EYA1: variants seen among roughly 807,000 people sequenced by gnomAD.
EYA1 encodes EYA transcriptional coactivator and phosphatase 1, also known as protein phosphatase EYA1.
A neutral mutation model predicts 82.0 loss-of-function variants in EYA1; 16 were observed. The observed-to-expected ratio is 0.20, with a 90% CI of 0.13 to 0.30. The LOEUF (loss-of-function observed/expected upper bound fraction) is 0.30, where lower values mean the gene tolerates loss of function less well. Ranked by LOEUF, EYA1 falls within the 10% of genes least tolerant of loss-of-function variation. The pLI is 1.00. For synonymous variants in EYA1, 261 were observed against 264.4 expected (o/e 0.99, Z 0.12); for missense variants, 633 against 730.7 (o/e 0.87, Z 1.54).
intron 2 of EYA1, among the ~76,000 whole-genome samples, chr8:71,488,073 T>G (rs1464666850): frequency 3.3e-5 from 5 of 152,106 alleles, no homozygotes; most frequent in Admixed American, 1.3e-4. Flanking sequence ...ATCAGTAATA[T>G]AAAGGATACA....
intron 2 of EYA1, among the ~76,000 whole-genome samples, chr8:71,399,241 C>T (rs1055272779): frequency 3.9e-5 from 6 of 152,166 alleles, no homozygotes; most frequent in African/African-American, 1.2e-4. Context: ...CCTTGTGCTT[C>T]CCGGGTGAAG....
intron 7 of EYA1, among the ~76,000 whole-genome samples, chr8:71,306,513 A>G (rs917139694): frequency 6.6e-6 from 1 of 152,024 alleles, no homozygotes; most frequent in African/African-American, 2.4e-5. Context: ...GGGCCTGGAG[A>G]TGCCACTCGG....
chr8:71,382,950 C>T (rs907347644), intron 2 of EYA1, among the ~76,000 whole-genome samples: 2 of 152,156 alleles, frequency 1.3e-5, no homozygotes, highest in African/African-American at 4.8e-5. Flanking sequence ...GCATGTCAGA[C>T]AGACATGAAT....
In EYA1 at chr8:71,433,725, G is replaced by T. The variant is rs75084447; in HGVS notation, c.34-77214C>A. 9.2e-3 allele frequency among the ~76,000 whole-genome samples: 1,402 copies of T among 152,290 alleles called. 16 individuals are homozygous for T. Among genetic ancestry groups the T allele is most frequent in the African/African-American group, 0.032 (1,329 of 41,554 alleles). On this transcript the variant is annotated intron_variant, in intron 2 of 18. Transcript: ENST00000643681. ...AGAGAGGCCAACCTGTCTGAATCAG[G>T]GTTGGAGAGGAGCCAAGAGGAGGAG... is the stretch of plus-strand genomic sequence containing the variant.
chr8:71,240,180 T>TA (rs1812304494), intron 12 of EYA1, among the ~76,000 whole-genome samples: 1 of 152,098 alleles, frequency 6.6e-6, no homozygotes, highest in South Asian at 2.1e-4. Flanking sequence ...ATAATGCTAT[T>TA]ACCTAAAGAC....
At chr8:71,432,788 T>C (rs926619616) in intron 2 of EYA1, among the ~76,000 whole-genome samples, 1 of 152,154 alleles carries the variant, frequency 6.6e-6, no homozygotes, top group African/African-American at 2.4e-5. Context: ...CCCTAACAGA[T>C]GCCTTTGAGT....
chr8:71,353,219 G>A (rs920945313), intron 3 of EYA1, among the ~76,000 whole-genome samples: 4 of 152,186 alleles, frequency 2.6e-5, no homozygotes, highest in East Asian at 1.9e-4. Context: ...GAGGCCTGCC[G>A]GCGCAGGGAC....
chr8:71,394,461 T>C (rs1382694779), intron 2 of EYA1, among the ~76,000 whole-genome samples: 1 of 152,196 alleles, frequency 6.6e-6, no homozygotes, highest in Non-Finnish European at 1.5e-5. Flanking sequence ...CTTGAATTAA[T>C]TTTTGTATAA....
intron 2 of EYA1, among the ~76,000 whole-genome samples, chr8:71,524,955 C>CA (rs910177533): frequency 1.3e-5 from 2 of 152,208 alleles, no homozygotes; most frequent in African/African-American, 4.8e-5. Flanking sequence ...AAAACACACA[C>CA]ATTTGTTGCC....
chr8:71,519,769 G>A (rs1021750080), intron 2 of EYA1, among the ~76,000 whole-genome samples: 2 of 152,096 alleles, frequency 1.3e-5, no homozygotes, highest in Non-Finnish European at 2.9e-5. Flanking sequence ...AGGAGGCTCT[G>A]CCTTCTTAGG....
chr8:71,204,595 A>C (rs1426540897), intron 17 of EYA1, among the ~76,000 whole-genome samples: 1 of 152,226 alleles, frequency 6.6e-6, no homozygotes, highest in East Asian at 1.9e-4. Context: ...GTCACTTAAA[A>C]GCATTAGAGA....
chr8:71,322,536 G>A, intron 4 of EYA1: 1 of 457,112 alleles, frequency 2.2e-6, no homozygotes, highest in South Asian at 2.2e-5. Context: ...ATACCTGCTG[G>A]CATGCTGTGA....
intron 12 of EYA1, among the ~76,000 whole-genome samples, chr8:71,232,304 G>A (rs542361625): frequency 4.6e-5 from 7 of 152,332 alleles, no homozygotes; most frequent in African/African-American, 1.2e-4. Flanking sequence ...CAGTCCAAGC[G>A]GCCTGAGAAG....
intron 2 of EYA1, among the ~76,000 whole-genome samples, chr8:71,500,924 C>T (rs1407438194): frequency 2.0e-5 from 3 of 152,146 alleles, no homozygotes; most frequent in Non-Finnish European, 4.4e-5. Context: ...AGCCAGATAG[C>T]TAGATGTTTA....
intron 2 of EYA1, among the ~76,000 whole-genome samples, chr8:71,391,663 C>T (rs1408809259): frequency 6.6e-6 from 1 of 152,062 alleles, no homozygotes; most frequent in Non-Finnish European, 1.5e-5. Flanking sequence ...TCTATCTTAC[C>T]TTCTTGGCAT....
At chr8:71,408,458 G>A (rs1174486151) in intron 2 of EYA1, among the ~76,000 whole-genome samples, 1 of 112,742 alleles carries the variant, frequency 8.9e-6, no homozygotes, top group African/African-American at 3.5e-5. Context: ...ACCCATCAGT[G>A]TGCTGTATTC....
intron 2 of EYA1, among the ~76,000 whole-genome samples, chr8:71,469,318 A>T (rs1809007655): frequency 6.6e-6 from 1 of 152,028 alleles, no homozygotes; most frequent in African/African-American, 2.4e-5. Context: ...TCTAGAGTCA[A>T]AGGTGTATGC....
At chr8:71,505,766 TCC>T (rs768579837) in intron 2 of EYA1, among the ~76,000 whole-genome samples, 5 of 152,126 alleles carry the variant, frequency 3.3e-5, no homozygotes, top group Non-Finnish European at 5.9e-5. Context: ...TATTACCCTT[TCC>T]CCACTCCCAT....
chr8:71,239,994 A>C (rs1003562271), intron 12 of EYA1, among the ~76,000 whole-genome samples: 1 of 152,204 alleles, frequency 6.6e-6, no homozygotes, highest in Non-Finnish European at 1.5e-5. Flanking sequence ...ATTTTACAGA[A>C]AGAATTTTTT....
Sources: allele counts gnomAD v4.1 joint callset (sites outside exome capture counted in the v4.1 genomes callset), GRCh38; gene constraint gnomAD v4.1.1; transcripts MANE v1.5; gene names NCBI Gene and HGNC (gene_info 2026-07-23, HGNC 2026-07-21).